Variants in DDX60L observed in about 807,000 individuals in gnomAD.
The protein encoded by DDX60L is probable ATP-dependent RNA helicase DDX60-like.
Under a neutral mutation model 211.6 loss-of-function variants are expected in DDX60L, and 191 were observed. The observed-to-expected ratio is 0.90, with a 90% confidence interval of 0.80 to 1.02. The LOEUF (loss-of-function observed/expected upper bound fraction) is 1.02, where lower values mean the gene tolerates loss of function less well. Among genes scored for constraint, DDX60L ranks in the 50% least tolerant of loss-of-function variants. The pLI, the probability that DDX60L is intolerant of heterozygous loss-of-function variation, is 0.00. For synonymous variants in DDX60L, 706 were observed against 694.1 expected, an observed-to-expected ratio of 1.02 and a Z score of -0.27; for missense variants, 2,007 against 1,984.1, an observed-to-expected ratio of 1.01 and a Z score of -0.22.
At position 168,379,725 on chromosome 4, in the gene DDX60L, C is replaced by T. The variant is rs377435405; in HGVS notation, c.4221+1G>A. On this transcript the variant is annotated splice_donor_variant, in intron 31 of 37. Coordinates refer to ENST00000682922, the MANE Select transcript of DDX60L (RefSeq NM_001012967.3). LOFTEE classifies it high-confidence loss of function. ...AACAAAAAGCCAAAGCACGATGATA[C>T]CTCTTTGATAAGGAGCTGCAAGGAA... 1 of 1,610,444 alleles carries T rather than the reference C, an allele frequency of 6.2e-7. No individual in the cohort carries two copies. The highest frequency in any genetic ancestry group is 8.5e-7 in the Non-Finnish European group (1 of 1,177,326).
chr4:168,358,717 A>C (rs954216956), intron 37 of DDX60L, among the ~76,000 whole-genome samples: 4 of 151,490 alleles, frequency 2.6e-5, no homozygotes, highest in African/African-American at 9.7e-5. Context: ...ACAGGGTTTC[A>C]CCATCTTGGC....
At chr4:168,468,185 T>A (rs1472026720) in intron 4 of DDX60L, among the ~76,000 whole-genome samples, 1 of 151,640 alleles carries the variant, frequency 6.6e-6, no homozygotes, top group Non-Finnish European at 1.5e-5. Flanking sequence ...AATAAATAAA[T>A]AAATAAACAA....
At chr4:168,457,542 A>G (rs1282345431) in intron 6 of DDX60L, among the ~76,000 whole-genome samples, 1 of 152,166 alleles carries the variant, frequency 6.6e-6, no homozygotes, top group Non-Finnish European at 1.5e-5. Flanking sequence ...GACTTAAGGT[A>G]TAATTAATTC....
chr4:168,415,521 G>C lies in DDX60L; in HGVS notation c.2870-4C>G. 1 of 1,545,474 alleles carries C rather than the reference G, an allele frequency of 6.5e-7. No homozygotes were observed. The highest frequency in any genetic ancestry group is 8.9e-7 in the Non-Finnish European group (1 of 1,126,810). On this transcript the variant is annotated splice_region_variant and splice_polypyrimidine_tract_variant and intron_variant, in intron 21 of 37. Transcript: ENST00000682922. ...TTGTATCTCTCTCCACAGAGCACTA[G>C]ATACGAAGAGCAAGAATATCCAAAT...
At chr4:168,375,170 T>C (rs986628210) in intron 34 of DDX60L, among the ~76,000 whole-genome samples, 4 of 152,192 alleles carry the variant, frequency 2.6e-5, no homozygotes, top group Non-Finnish European at 5.9e-5. Context: ...TTGGTAATTA[T>C]AAAGTTTTTT....
Position 168,390,510 on chromosome 4 carries a change from G to A in DDX60L, c.3915+1030C>T, listed in dbSNP as rs2149718331. The A allele has an allele frequency of 2.1e-6, 3 of 1,423,206 alleles. No homozygotes were observed. The East Asian group carries it at 8.1e-5, about 39-fold the overall frequency. The allele number at this position is 1,423,206 out of a possible 1,614,324, so 88.2% of individuals were successfully genotyped here. A position where few individuals can be genotyped will look rare whatever the true frequency, so the allele number is the denominator to read the frequency against. On this transcript the variant is annotated intron_variant, in intron 29 of 37. Transcript: ENST00000682922. ...GTAAAATCACAGTCTTCATATTCCA[G>A]TCTAGGAGAGTTCACATGATCTAAA...
At chr4:168,362,872 G>T (rs1234851577) in intron 36 of DDX60L, among the ~76,000 whole-genome samples, 2 of 152,184 alleles carry the variant, frequency 1.3e-5, no homozygotes, top group African/African-American at 4.8e-5. Flanking sequence ...ACCAGAGGGA[G>T]AAGTAGAGAG....
chr4:168,421,725 A>G, intron 17 of DDX60L, 35 bp downstream of exon 17: 1 of 1,610,568 alleles, frequency 6.2e-7, no homozygotes, highest in Non-Finnish European at 8.5e-7. Context: ...GATGTTCAGG[A>G]ACAAAAGCAA....
At chr4:168,410,734 C>T (rs981234106) in intron 22 of DDX60L, among the ~76,000 whole-genome samples, 1 of 152,138 alleles carries the variant, frequency 6.6e-6, no homozygotes, top group Non-Finnish European at 1.5e-5. Context: ...CAAGTGAGAT[C>T]TCCGAAAACT....
chr4:168,449,652 C>CAAAAAAA, intron 8 of DDX60L, among the ~76,000 whole-genome samples: 17 of 7,920 alleles, frequency 2.1e-3, no homozygotes, highest in South Asian at 5.1e-3. Flanking sequence ...AAAAAAAATG[C>CAAAAAAA]AAAAAAAAAA....
At chr4:168,455,581 C>A (rs551085018) in intron 7 of DDX60L, among the ~76,000 whole-genome samples, 1 of 152,012 alleles carries the variant, frequency 6.6e-6, no homozygotes, top group Non-Finnish European at 1.5e-5. Context: ...AGTCTTGAAT[C>A]GACAGGAGAG....
chr4:168,463,139 T>C (rs4058256), intron 4 of DDX60L, among the ~76,000 whole-genome samples: 43,655 of 152,028 alleles, frequency 0.29, 7,943 homozygotes, highest in East Asian at 0.62. Flanking sequence ...TGGGTATATA[T>C]CCAAAGAAAT....
chr4:168,451,507 TAAA>T (rs1755796451), intron 8 of DDX60L, among the ~76,000 whole-genome samples: 5 of 152,196 alleles, frequency 3.3e-5, no homozygotes, highest in Non-Finnish European at 5.9e-5. Flanking sequence ...TTTCAAAGCC[TAAA>T]GAACTCTTGT....
At chr4:168,422,458 G>A (rs1750786058) in intron 16 of DDX60L, 66 bp downstream of exon 16, 2 of 1,485,356 alleles carry the variant, frequency 1.3e-6, no homozygotes, top group East Asian at 2.3e-5. Context: ...TTGACATGTA[G>A]AGACACAGTA....
intron 26 of DDX60L, among the ~76,000 whole-genome samples, chr4:168,399,478 G>T (rs1746414638): frequency 6.6e-6 from 1 of 152,190 alleles, no homozygotes; most frequent in Non-Finnish European, 1.5e-5. Flanking sequence ...CAGCTAGCAT[G>T]CCTGGCTGTG....
chr4:168,443,391 C>T (rs1313047090), intron 9 of DDX60L, among the ~76,000 whole-genome samples: 1 of 151,916 alleles, frequency 6.6e-6, no homozygotes, highest in Non-Finnish European at 1.5e-5. Context: ...AAGACCAAAT[C>T]TACGTCTGAT....
At chr4:168,444,140 G>A (rs376812550) in intron 9 of DDX60L, among the ~76,000 whole-genome samples, 3 of 56,424 alleles carry the variant, frequency 5.3e-5, no homozygotes, top group East Asian at 7.7e-4. Context: ...CCCATCTCAC[G>A]TGCAGAGACA....
intron 22 of DDX60L, 122 bp downstream of exon 22, chr4:168,415,286 A>G (rs1427006749): frequency 4.2e-6 from 2 of 471,448 alleles, no homozygotes; most frequent in Non-Finnish European, 7.4e-6. Flanking sequence ...AAAATAAAAG[A>G]ATCAGTAAAG....
chr4:168,386,866 A>G (rs1743981975), intron 29 of DDX60L, among the ~76,000 whole-genome samples: 1 of 152,236 alleles, frequency 6.6e-6, no homozygotes. Context: ...ATTGATTAGG[A>G]TAAATGTTCA....
Sources: allele counts gnomAD v4.1 joint callset (sites outside exome capture counted in the v4.1 genomes callset), GRCh38; gene constraint gnomAD v4.1.1; transcripts MANE v1.5; gene names NCBI Gene and HGNC (gene_info 2026-07-23, HGNC 2026-07-21).